The following NELL2 variants were observed in gnomAD, a reference collection of about 807,000 sequenced individuals.
NELL2 encodes neural EGFL like 2, also known as protein kinase C-binding protein NELL2.
In NELL2, 41 loss-of-function variants were observed where a neutral mutation model predicts 109.6. That is an observed-to-expected ratio of 0.37 (90% CI 0.29 to 0.49). NELL2 has a LOEUF of 0.49. NELL2 is among the 20% of genes least tolerant of loss of function. NELL2 has a pLI of 0.98. For missense variants in NELL2, 900 were observed against 1,008.3 expected (o/e 0.89, Z 1.45); for synonymous variants, 355 against 344.7 (o/e 1.03, Z -0.33).
At chr12:44,638,174 T>C (rs1254638750) in intron 13 of NELL2, among the ~76,000 whole-genome samples, 3 of 152,100 alleles carry the variant, frequency 2.0e-5, no homozygotes, top group Admixed American at 6.6e-5. Context: ...ATCCCTTCCT[T>C]CCTCTAGTCT....
At chr12:44,657,584 C>T (rs1947557210) in intron 13 of NELL2, among the ~76,000 whole-genome samples, 1 of 152,256 alleles carries the variant, frequency 6.6e-6, no homozygotes, top group Non-Finnish European at 1.5e-5. Flanking sequence ...CACCCATCAA[C>T]CCGTCATCTA....
chr12:44,607,308 T>C, intron 14 of NELL2, 44 bp from the exon 15 acceptor site: 1 of 1,523,004 alleles, frequency 6.6e-7, no homozygotes, highest in Non-Finnish European at 9.0e-7. Context: ...TAGAAGTAAG[T>C]AGTTTAATAA....
At chr12:44,844,625 T>G (rs1034052589) in intron 2 of NELL2, among the ~76,000 whole-genome samples, 1 of 152,216 alleles carries the variant, frequency 6.6e-6, no homozygotes, top group Admixed American at 6.5e-5. Flanking sequence ...AGTGAAGAGA[T>G]ATGGCATATA....
rs117397356 is a variant in NELL2, at chr12:44,781,663, T to C, written c.336-1641A>G. ...ATTTGAAAGTAGACAGAGAAAATCT[T>C]GCACATTAAGTACAAGGAAAAATTA... is the stretch of plus-strand genomic sequence containing the variant. On this transcript the variant is annotated intron_variant, in intron 3 of 19. Coordinates refer to ENST00000429094, the MANE Select transcript of NELL2 (RefSeq NM_001145108.2). Among the ~76,000 whole-genome samples, 71 of 152,214 alleles carry C rather than the reference T, an allele frequency of 4.7e-4. No individual in the cohort carries two copies. In the East Asian group the frequency reaches 0.014, roughly 29 times the overall value.
chr12:44,881,685 G>A (rs1210482710), intron 1 of NELL2: 1 of 152,080 alleles, frequency 6.6e-6, no homozygotes, highest in East Asian at 1.9e-4. Flanking sequence ...AATTCCAAAA[G>A]GGGAGAAGAA....
chr12:44,535,845 T>C (rs1316194586), intron 15 of NELL2, among the ~76,000 whole-genome samples: 1 of 151,930 alleles, frequency 6.6e-6, no homozygotes, highest in Non-Finnish European at 1.5e-5. Context: ...ATAGGGTAAT[T>C]ATTCATCTTT....
chr12:44,523,431 A>G lies in NELL2; in HGVS notation c.1858T>C (p.Phe620Leu). 1 of 1,614,116 alleles carries G rather than the reference A, an allele frequency of 6.2e-7. No individual in the cohort carries two copies. The highest frequency in any genetic ancestry group is 8.5e-7 in the Non-Finnish European group (1 of 1,180,018). The change falls in exon 17 of 20, where the codon TTC becomes CTC. Residue 620 changes from phenylalanine to leucine, a missense_variant. This residue lies in a region of NELL2 where 333 missense variants were observed against 432.3 expected (regional missense o/e 0.77). Transcript: ENST00000429094. ...CAATCATATCCGCCATCCAAATTGA[A>G]GCAAATGGTATCATTGGCACAGCTG... Reference protein sequence around the residue: ...RHSCANDTICFNLDGGYDCRC... With the variant: ...RHSCANDTICLNLDGGYDCRC...
At chr12:44,876,906 TC>T (rs1337530415), upstream of NELL2, 7 of 1,252,140 alleles carry the variant, frequency 5.6e-6, no homozygotes, top group African/African-American at 7.6e-5. Context: ...GTGGAGAGGT[TC>T]CCTGCCGGGG....
rs148150225 is a variant in NELL2, at chr12:44,760,119, G to T, written c.994+14628C>A. On this transcript the variant is annotated intron_variant, in intron 9 of 19. Coordinates refer to ENST00000429094, the MANE Select transcript of NELL2 (RefSeq NM_001145108.2). ...ACTCCTTGCCTCCTCATATACAGTG[G>T]ATTTCATTTCCTTATCACTTAAGCA... Among the ~76,000 whole-genome samples, 41 of 152,164 alleles carry T rather than the reference G, an allele frequency of 2.7e-4. No homozygotes were observed. In the East Asian group the frequency reaches 7.7e-3, roughly 29 times the overall value.
intron 2 of NELL2, among the ~76,000 whole-genome samples, chr12:44,824,990 G>A (rs1310571904): frequency 2.0e-5 from 3 of 152,046 alleles, no homozygotes; most frequent in Non-Finnish European, 4.4e-5. Flanking sequence ...GATTACAGGC[G>A]TGAGCCACCG....
rs60875443 is a variant in NELL2 at position 44,572,852 on chromosome 12, T to G, written c.1663+34317A>C. ...GAAGCCACACTGGAGACTAGAGAGA[T>G]TCTGAAATTTATCAGCAATACTGCC... On this transcript the variant is annotated intron_variant, in intron 15 of 19. Coordinates refer to ENST00000429094, the MANE Select transcript of NELL2 (RefSeq NM_001145108.2). 4.9e-3 allele frequency among the ~76,000 whole-genome samples: 751 copies of G among 152,262 alleles called. 6 individuals are homozygous for G. The highest frequency in any genetic ancestry group is 0.015 in the African/African-American group (642 of 41,550).
At chr12:44,624,724 G>A (rs929229768) in intron 13 of NELL2, among the ~76,000 whole-genome samples, 6 of 152,122 alleles carry the variant, frequency 3.9e-5, no homozygotes, top group Non-Finnish European at 8.8e-5. Flanking sequence ...GGCTCAAGTA[G>A]CCTCCAGGGC....
chr12:44,788,989 C>T (rs1165754979), intron 3 of NELL2, among the ~76,000 whole-genome samples: 1 of 152,024 alleles, frequency 6.6e-6, no homozygotes, highest in Non-Finnish European at 1.5e-5. Context: ...CCCCAACCCC[C>T]ACAGCAACCT....
chr12:44,528,097 C>CAAA (rs71093812), intron 16 of NELL2, among the ~76,000 whole-genome samples: 290 of 21,992 alleles, frequency 0.013, 27 homozygotes, highest in African/African-American at 0.018. Context: ...GACTCCGTCT[C>CAAA]AAAAAAAAAA....
At chr12:44,895,697 G>A (rs1252918062) in intron 1 of NELL2, among the ~76,000 whole-genome samples, 1 of 151,876 alleles carries the variant, frequency 6.6e-6, no homozygotes, top group Non-Finnish European at 1.5e-5. Flanking sequence ...TTTTTTTCCT[G>A]CATTTATATT....
intron 1 of NELL2, among the ~76,000 whole-genome samples, chr12:44,909,144 C>A (rs1458498472): frequency 6.6e-6 from 1 of 151,872 alleles, no homozygotes; most frequent in Non-Finnish European, 1.5e-5. Flanking sequence ...TCAACTATGT[C>A]TCTTTACTGA....
intron 3 of NELL2, among the ~76,000 whole-genome samples, chr12:44,808,277 T>C (rs1054843320): frequency 2.6e-5 from 4 of 152,002 alleles, no homozygotes; most frequent in African/African-American, 9.7e-5. Flanking sequence ...AAAATGTGTA[T>C]TTCTGTCCAT....
At chr12:44,727,721 A>G (rs915559310) in intron 9 of NELL2, among the ~76,000 whole-genome samples, 11 of 152,072 alleles carry the variant, frequency 7.2e-5, no homozygotes, top group Non-Finnish European at 1.3e-4. Context: ...TTAGGGGTCA[A>G]TTAAGTAAAA....
chr12:44,743,710 C>T (rs75751957), intron 9 of NELL2, among the ~76,000 whole-genome samples: 4 of 152,010 alleles, frequency 2.6e-5, no homozygotes, highest in Non-Finnish European at 4.4e-5. Context: ...AGAAGGCCAT[C>T]ACATAATGGT....
Sources: allele counts gnomAD v4.1 joint callset (sites outside exome capture counted in the v4.1 genomes callset), GRCh38; gene constraint gnomAD v4.1.1; regional missense constraint gnomAD v4.1.1; transcripts MANE v1.5; gene names NCBI Gene and HGNC (gene_info 2026-07-23, HGNC 2026-07-21).